Variants in HMCN1 observed in about 807,000 individuals in gnomAD.
HMCN1 encodes the protein hemicentin 1.
Under a neutral mutation model 625.9 loss-of-function variants are expected in HMCN1, and 321 were observed. The ratio of observed to expected loss-of-function variants is 0.51; its 90% CI spans 0.47 to 0.56. The LOEUF is 0.56. HMCN1 is among the 20% of genes least tolerant of loss of function. HMCN1 has a pLI of 0.00. For missense variants in HMCN1, 6,588 were observed against 6,887.3 expected, an observed-to-expected ratio of 0.96 and a Z score of 1.54; for synonymous variants, 2,425 against 2,417.6, an observed-to-expected ratio of 1.00 and a Z score of -0.09.
intron 22 of HMCN1, among the ~76,000 whole-genome samples, chr1:185,991,428 G>A (rs1321704589): frequency 6.6e-6 from 1 of 151,836 alleles, no homozygotes; most frequent in African/African-American, 2.4e-5. Context: ...CTCTTCCCAG[G>A]GGCAAACGCT....
chr1:185,959,337 T>G (rs1649847943), intron 11 of HMCN1, among the ~76,000 whole-genome samples: 1 of 152,150 alleles, frequency 6.6e-6, no homozygotes, highest in Non-Finnish European at 1.5e-5. Flanking sequence ...GACTTTTTCT[T>G]CCCTAGTTTT....
At chr1:186,113,098 T>G in intron 72 of HMCN1, 145 bp downstream of exon 72, 1 of 863,332 alleles carries the variant, frequency 1.2e-6, no homozygotes, top group Non-Finnish European at 1.8e-6. Context: ...AGTATTTGTA[T>G]TATATCTATA....
intron 28 of HMCN1, among the ~76,000 whole-genome samples, chr1:186,002,989 T>C (rs1314640334): frequency 2.6e-5 from 4 of 152,144 alleles, no homozygotes; most frequent in African/African-American, 9.6e-5. Context: ...GCTGAATCAA[T>C]GTAATAGCCT....
At chr1:185,795,059 G>A (rs1177623614) in intron 1 of HMCN1, among the ~76,000 whole-genome samples, 2 of 152,182 alleles carry the variant, frequency 1.3e-5, no homozygotes, top group Non-Finnish European at 2.9e-5. Context: ...ATGCATGTAT[G>A]TGTTGCATTA....
intron 47 of HMCN1, 145 bp downstream of exon 47, chr1:186,062,109 A>G (rs1008834244): frequency 3.3e-6 from 2 of 613,410 alleles, no homozygotes; most frequent in East Asian, 2.8e-5. Context: ...CAATATCAGA[A>G]TTGTTTGGAG....
At position 186,119,935 on chromosome 1, in the gene HMCN1, A is replaced by C. The variant is rs1661319395; in HGVS notation, c.12094+53A>C. ...AAATCATAGCACATCAGTGTTTTAT[A>C]ATTCGAATCAGCATGATTGTTTTTA... is the stretch of plus-strand genomic sequence containing the variant. On this transcript the variant is annotated intron_variant, in intron 79 of 106. Transcript: ENST00000271588. 5 of 1,613,970 alleles carry C rather than the reference A, an allele frequency of 3.1e-6. No individual in the cohort carries two copies. In the African/African-American group the frequency reaches 5.3e-5, roughly 17 times the overall value.
At chr1:185,824,894 C>G (rs903177117) in intron 1 of HMCN1, among the ~76,000 whole-genome samples, 1 of 152,008 alleles carries the variant, frequency 6.6e-6, no homozygotes, top group Non-Finnish European at 1.5e-5. Flanking sequence ...GTATAGAAAT[C>G]TTTCTGAGCA....
chr1:186,032,758 GA>G (rs1553278187), intron 36 of HMCN1, among the ~76,000 whole-genome samples: 2 of 104,398 alleles, frequency 1.9e-5, no homozygotes, highest in African/African-American at 7.5e-5. Flanking sequence ...AAAAAAAAAA[GA>G]AAAAAAAAGA....
intron 30 of HMCN1, among the ~76,000 whole-genome samples, chr1:186,014,672 C>G (rs550307215): frequency 8.6e-5 from 13 of 151,842 alleles, no homozygotes; most frequent in African/African-American, 2.9e-4. Flanking sequence ...CCACCTCCCC[C>G]CCAAAAAAAG....
intron 2 of HMCN1, among the ~76,000 whole-genome samples, chr1:185,855,556 C>G (rs1222512566): frequency 6.6e-6 from 1 of 152,000 alleles, no homozygotes; most frequent in Non-Finnish European, 1.5e-5. Context: ...TTCTAATTTG[C>G]TAATCAAGAT....
At chr1:186,086,476 A>G in intron 58 of HMCN1, 69 bp downstream of exon 58, 2 of 1,488,772 alleles carry the variant, frequency 1.3e-6, no homozygotes, top group East Asian at 2.3e-5. Flanking sequence ...CAGCATTTCA[A>G]ATTAGTGTAT....
At chr1:185,908,722 C>A (rs893642064) in intron 4 of HMCN1, among the ~76,000 whole-genome samples, 5 of 151,538 alleles carry the variant, frequency 3.3e-5, no homozygotes, top group Admixed American at 2.0e-4. Flanking sequence ...CTCTTTAATG[C>A]AATGCTTTTC....
chr1:186,147,516 T>C (rs1650393681), intron 93 of HMCN1, among the ~76,000 whole-genome samples: 1 of 151,866 alleles, frequency 6.6e-6, no homozygotes, highest in South Asian at 2.1e-4. Flanking sequence ...ATAAAAGTAA[T>C]GTAAATTAAA....
intron 13 of HMCN1, 138 bp downstream of exon 13, chr1:185,964,033 G>T: frequency 2.7e-6 from 2 of 750,094 alleles, no homozygotes; most frequent in East Asian, 2.7e-5. Flanking sequence ...CACACTGATT[G>T]AAGCAAATAT....
intron 97 of HMCN1, among the ~76,000 whole-genome samples, chr1:186,164,240 CTTT>C (rs57317105): frequency 2.3e-5 from 3 of 131,520 alleles, no homozygotes; most frequent in African/African-American, 3.1e-5. Context: ...TAACTTAAAT[CTTT>C]TTTTTTTTTT....
intron 30 of HMCN1, among the ~76,000 whole-genome samples, chr1:186,013,332 C>T (rs1442461386): frequency 6.6e-6 from 1 of 152,176 alleles, no homozygotes; most frequent in African/African-American, 2.4e-5. Context: ...TTTAGCTTAG[C>T]ATCTCCTGGC....
Position 186,067,768 on chromosome 1 carries a change from A to G in HMCN1, c.7706-66A>G. On this transcript the variant is annotated intron_variant, in intron 49 of 106. Coordinates refer to ENST00000271588, the MANE Select transcript of HMCN1 (RefSeq NM_031935.3). ...AATTATACAAATACATATAATGGAA[A>G]TTTAGAAATGCACAAATATACAAAT... 2.7e-6 allele frequency: 3 copies of G among 1,117,946 alleles called. No individual in the cohort carries two copies. The South Asian group carries it at 3.8e-5, about 14-fold the overall frequency. The allele number at this position is 1,117,946 out of a possible 1,614,324, so 69.3% of individuals were successfully genotyped here. A position where few individuals can be genotyped will look rare whatever the true frequency, so the allele number is the denominator to read the frequency against.
chr1:185,928,476 T>C, intron 9 of HMCN1, 70 bp from the exon 10 acceptor site: 2 of 1,270,498 alleles, frequency 1.6e-6, no homozygotes, highest in Middle Eastern at 1.9e-4. Context: ...TCAAAAGAAA[T>C]AGTTAATCAT....
At chr1:186,142,180 A>G (rs2102548476) in intron 89 of HMCN1, among the ~76,000 whole-genome samples, 1 of 152,092 alleles carries the variant, frequency 6.6e-6, no homozygotes, top group East Asian at 1.9e-4. Flanking sequence ...AGTAGGCCCC[A>G]GTGTTTGTTG....
Sources: allele counts gnomAD v4.1 joint callset (sites outside exome capture counted in the v4.1 genomes callset), GRCh38; gene constraint gnomAD v4.1.1; transcripts MANE v1.5; gene names NCBI Gene and HGNC (gene_info 2026-07-23, HGNC 2026-07-21).